Variants in FARS2 observed in about 807,000 individuals in gnomAD.
The protein encoded by FARS2 is phenylalanyl-tRNA synthetase 2, mitochondrial, also known as phenylalanine--tRNA ligase, mitochondrial.
FARS2 carries 40 observed loss-of-function variants against 46.4 expected under a neutral mutation model. That is an observed-to-expected ratio of 0.86 (90% CI 0.67 to 1.12). FARS2 has a LOEUF of 1.12. Ranked by LOEUF, FARS2 falls within the 50% of genes most tolerant of loss-of-function variation. FARS2 has a pLI of 0.00. For missense variants in FARS2, 513 were observed against 567.9 expected (o/e 0.90, Z 0.98); for synonymous variants, 234 against 214.9 (o/e 1.09, Z -0.78).
rs567414019 is a variant in FARS2, at chr6:5,771,143, A to G, written c.1218-148A>G. ...CTGTCACCTTCTCCCCCTGTATAAG[A>G]TGCAGATTGTTAGCGGTAAATGGTA... On this transcript the variant is annotated intron_variant, in intron 6 of 6. Coordinates refer to ENST00000274680, the MANE Select transcript of FARS2 (RefSeq NM_006567.5). 4.9e-5 allele frequency: 38 copies of G among 781,492 alleles called. No individual in the cohort carries two copies. The African/African-American group carries it at 6.7e-4, about 14-fold the overall frequency. The allele number at this position is 781,492 out of a possible 1,614,324, so 48.4% of individuals were successfully genotyped here.
At chr6:5,740,221 T>C (rs1421559247) in intron 6 of FARS2, among the ~76,000 whole-genome samples, 2 of 151,942 alleles carry the variant, frequency 1.3e-5, no homozygotes, top group African/African-American at 2.4e-5. Flanking sequence ...CCTCCTAGAG[T>C]GGGTTAGGGC....
At chr6:5,285,548 GC>G (rs1230577121) in intron 1 of FARS2, among the ~76,000 whole-genome samples, 1 of 152,244 alleles carries the variant, frequency 6.6e-6, no homozygotes, top group African/African-American at 2.4e-5. Context: ...ACTCATCTTT[GC>G]ACATGGTGGG....
intron 6 of FARS2, among the ~76,000 whole-genome samples, chr6:5,662,518 C>T (rs1777898446): frequency 6.6e-6 from 1 of 152,186 alleles, no homozygotes; most frequent in Non-Finnish European, 1.5e-5. Context: ...CTGGATGAAG[C>T]CCTGGAGGGA....
chr6:5,717,931 T>C (rs374429134), intron 6 of FARS2, among the ~76,000 whole-genome samples: 1 of 118,518 alleles, frequency 8.4e-6, no homozygotes, highest in African/African-American at 4.5e-5. Flanking sequence ...TATATATATA[T>C]ATATACAGAG....
intron 1 of FARS2, among the ~76,000 whole-genome samples, chr6:5,329,931 C>G (rs146245100): frequency 6.6e-6 from 1 of 152,314 alleles, no homozygotes; most frequent in African/African-American, 2.4e-5. Context: ...GGCTATTGGT[C>G]ATTGCCTTAA....
At chr6:5,518,258 C>G (rs1459768315) in intron 4 of FARS2, among the ~76,000 whole-genome samples, 1 of 148,380 alleles carries the variant, frequency 6.7e-6, no homozygotes, top group Non-Finnish European at 1.5e-5. Context: ...AGTAGTCAAA[C>G]GTGACTCTTG....
intron 4 of FARS2, among the ~76,000 whole-genome samples, chr6:5,526,362 T>A (rs576256053): frequency 1.3e-5 from 2 of 152,338 alleles, no homozygotes; most frequent in East Asian, 3.9e-4. Flanking sequence ...TTAAAACAAC[T>A]CCCTCTAGTA....
chr6:5,591,303 C>G (rs1255194277), intron 5 of FARS2, among the ~76,000 whole-genome samples: 1 of 152,152 alleles, frequency 6.6e-6, no homozygotes, highest in Non-Finnish European at 1.5e-5. Flanking sequence ...ACACTAGAAC[C>G]GAGTGGTCCA....
At chr6:5,260,659 G>C (rs749300361), upstream of FARS2, 2 of 1,539,662 alleles carry the variant, frequency 1.3e-6, no homozygotes, top group African/African-American at 2.8e-5. Context: ...TGTAATTGTA[G>C]GCGCTGAAAC....
chr6:5,325,136 A>G (rs1050799319), intron 1 of FARS2, among the ~76,000 whole-genome samples: 1 of 152,180 alleles, frequency 6.6e-6, no homozygotes, highest in East Asian at 1.9e-4. Flanking sequence ...TACTCCACAG[A>G]TGCACGGCAG....
At chr6:5,346,428 C>T (rs921081916) in intron 1 of FARS2, among the ~76,000 whole-genome samples, 4 of 152,126 alleles carry the variant, frequency 2.6e-5, no homozygotes, top group Non-Finnish European at 5.9e-5. Flanking sequence ...GCTGTGGTTT[C>T]CTCAGGGACT....
intron 4 of FARS2, among the ~76,000 whole-genome samples, chr6:5,432,730 G>A (rs1052278301): frequency 1.3e-5 from 2 of 151,474 alleles, no homozygotes; most frequent in African/African-American, 4.9e-5. Flanking sequence ...AGGGTTCACC[G>A]CCCAGCCTCC....
rs1342946181 is a variant in FARS2 at position 5,764,049 on chromosome 6, A to T, written c.1218-7242A>T. Among the ~76,000 whole-genome samples the T allele has an allele frequency of 6.6e-6, 1 of 152,092 alleles. No individual in the cohort carries two copies. The highest frequency in any genetic ancestry group is 1.9e-4 in the East Asian group (1 of 5,174). On this transcript the variant is annotated intron_variant, in intron 6 of 6. Transcript: ENST00000274680. This position sits in a 1 kb window ranked among gnomAD's most constrained non-coding sequence, Gnocchi z 4.1. Reference sequence around the variant, plus strand: ...ACTCTCCAATAAGCCACAGGAGTAAAGGAGGAAGATGGGGCGGATGCGTAG... The same window carrying T: ...ACTCTCCAATAAGCCACAGGAGTAATGGAGGAAGATGGGGCGGATGCGTAG...
At chr6:5,669,701 A>G (rs987553477) in intron 6 of FARS2, among the ~76,000 whole-genome samples, 11 of 152,122 alleles carry the variant, frequency 7.2e-5, no homozygotes, top group African/African-American at 1.7e-4. Flanking sequence ...CCTGCTAGTC[A>G]TTTGGCCTCC....
intron 6 of FARS2, among the ~76,000 whole-genome samples, chr6:5,681,540 G>C (rs747860000): frequency 2.0e-5 from 3 of 152,118 alleles, no homozygotes; most frequent in Non-Finnish European, 4.4e-5. Flanking sequence ...TGTGTACAGG[G>C]GGAAAAAGTT....
intron 4 of FARS2, among the ~76,000 whole-genome samples, chr6:5,526,741 C>T (rs750247114): frequency 2.6e-5 from 4 of 152,048 alleles, no homozygotes; most frequent in South Asian, 4.1e-4. Flanking sequence ...CTCAGTCTCC[C>T]GAGTAACTGG....
At chr6:5,588,323 A>C (rs1471569405) in intron 5 of FARS2, among the ~76,000 whole-genome samples, 1 of 152,140 alleles carries the variant, frequency 6.6e-6, no homozygotes, top group Non-Finnish European at 1.5e-5. Flanking sequence ...GGCCTCCTGG[A>C]AGCCCAAGGC....
intron 5 of FARS2, among the ~76,000 whole-genome samples, chr6:5,570,634 A>G (rs1772584678): frequency 6.6e-6 from 1 of 152,210 alleles, no homozygotes; most frequent in Non-Finnish European, 1.5e-5. Flanking sequence ...CTTTTTAAAG[A>G]AAAAAAGAGA....
intron 4 of FARS2, chr6:5,452,755 T>C (rs543351069): frequency 6.6e-6 from 1 of 152,262 alleles, no homozygotes; most frequent in African/African-American, 2.4e-5. Context: ...TGGAGCATCA[T>C]ACCTGGAAGA....
Sources: allele counts gnomAD v4.1 joint callset (sites outside exome capture counted in the v4.1 genomes callset), GRCh38; gene constraint gnomAD v4.1.1; non-coding constraint Gnocchi (gnomAD v3.1); transcripts MANE v1.5; gene names NCBI Gene and HGNC (gene_info 2026-07-23, HGNC 2026-07-21).